Variants in SPRR2B observed in about 807,000 individuals in gnomAD.
SPRR2B encodes small proline-rich protein 2B.
Under a neutral mutation model 1.0 loss-of-function variants are expected in SPRR2B, and 1 was observed. That is an observed-to-expected ratio of 1.01 (90% CI 0.36 to 4.77). The LOEUF is 4.77. Ranked by LOEUF, SPRR2B falls within the 30% of genes most tolerant of loss-of-function variation. The pLI is 0.16. For missense variants in SPRR2B, 53 were observed against 88.7 expected (o/e 0.60, Z 1.62); for synonymous variants, 27 against 33.4 (o/e 0.81, Z 0.66).
chr1:153,076,157 A>C (rs1342519116), upstream of SPRR2B, among the ~76,000 whole-genome samples: 1 of 152,202 alleles, frequency 6.6e-6, no homozygotes, highest in Non-Finnish European at 1.5e-5. Flanking sequence ...AAGATTGCTC[A>C]TTTAAATATC....
At chr1:153,084,439 A>T in the SPRR2B span, among the ~76,000 whole-genome samples, 1 of 152,158 alleles carries the variant, frequency 6.6e-6, no homozygotes, top group African/African-American at 2.4e-5. Context: ...TAGGCACTGG[A>T]AACAGTGGAA....
the SPRR2B span, among the ~76,000 whole-genome samples, chr1:153,087,203 C>T: frequency 2.4e-3 from 367 of 152,090 alleles, 1 homozygote; most frequent in African/African-American, 8.1e-3. Flanking sequence ...TTGCTTGAAA[C>T]AGGGAGGTGG....
At chr1:153,076,310 T>G (rs893547326), upstream of SPRR2B, among the ~76,000 whole-genome samples, 2 of 152,178 alleles carry the variant, frequency 1.3e-5, no homozygotes, top group Non-Finnish European at 2.9e-5. Context: ...ATCCAAATAT[T>G]TAAGAGCAAA....
In SPRR2B at chr1:153,070,271, T is replaced by C; in HGVS notation, c.*350A>G. The C allele has an allele frequency of 2.2e-6, 1 of 452,460 alleles. No individual in the cohort carries two copies. The highest frequency in any genetic ancestry group is 3.9e-6 in the Non-Finnish European group (1 of 258,148). 28.0% of individuals were successfully genotyped at this position (452,460 alleles called of 1,614,324 possible). A position where few individuals can be genotyped will look rare whatever the true frequency, so the allele number is the denominator to read the frequency against. On this transcript the variant is annotated 3_prime_UTR_variant, in exon 2 of 2. Coordinates refer to ENST00000368755, the MANE Select transcript of SPRR2B (RefSeq NM_001388198.1). ...TCAGGGAGTGAAAGAAAAGTGACAA[T>C]TGCACAGGTGGTAGAAGCTCATGCC...
At chr1:153,073,709 ACAC>A (rs1654719225), upstream of SPRR2B, among the ~76,000 whole-genome samples, 1 of 76,068 alleles carries the variant, frequency 1.3e-5, no homozygotes, top group African/African-American at 2.9e-5. Flanking sequence ...ACACACACAC[ACAC>A]ACACACACAC....
chr1:153,072,803 C>T (rs570083982), upstream of SPRR2B, among the ~76,000 whole-genome samples: 2 of 152,156 alleles, frequency 1.3e-5, no homozygotes, highest in Non-Finnish European at 1.5e-5. Flanking sequence ...TCACTCGATA[C>T]GTATGTTGTC....
At chr1:153,081,820 C>T in the SPRR2B span, among the ~76,000 whole-genome samples, 1 of 137,068 alleles carries the variant, frequency 7.3e-6, no homozygotes. Context: ...CTTTTCTTTT[C>T]TTTTCTTTTT....
chr1:153,079,115 G>A, the SPRR2B span, among the ~76,000 whole-genome samples: 1 of 152,226 alleles, frequency 6.6e-6, no homozygotes, highest in Admixed American at 6.5e-5. Flanking sequence ...GATGGCCAGT[G>A]ATGGTGAGCA....
the SPRR2B span, among the ~76,000 whole-genome samples, chr1:153,077,823 G>A: frequency 1.3e-5 from 2 of 152,134 alleles, no homozygotes; most frequent in Non-Finnish European, 1.5e-5. Context: ...CCATGTTGGC[G>A]AGGCTGGATA....
At chr1:153,077,806 G>A in the SPRR2B span, among the ~76,000 whole-genome samples, 2 of 152,200 alleles carry the variant, frequency 1.3e-5, no homozygotes, top group African/African-American at 2.4e-5. Context: ...ATAGAGGCAG[G>A]GTTTCGCCAT....
chr1:153,086,123 A>G, the SPRR2B span, among the ~76,000 whole-genome samples: 199 of 152,332 alleles, frequency 1.3e-3, 5 homozygotes, highest in East Asian at 0.037. Flanking sequence ...AACCACATAA[A>G]CAAGTTTTTA....
At chr1:153,075,383 A>G (rs1383129589), upstream of SPRR2B, among the ~76,000 whole-genome samples, 1 of 152,066 alleles carries the variant, frequency 6.6e-6, no homozygotes, top group Non-Finnish European at 1.5e-5. Flanking sequence ...AAAAATAAAA[A>G]AAAACAGTTC....
At chr1:153,084,700 C>A in the SPRR2B span, among the ~76,000 whole-genome samples, 24,640 of 151,986 alleles carry the variant, frequency 0.16, 3,245 homozygotes, top group East Asian at 0.49. Context: ...TGCCATGCTG[C>A]CACTGCTCTT....
At chr1:153,083,414 G>C in the SPRR2B span, among the ~76,000 whole-genome samples, 3 of 152,116 alleles carry the variant, frequency 2.0e-5, no homozygotes, top group South Asian at 6.2e-4. Context: ...TGAATATGAT[G>C]CACAAAAGAC....
upstream of SPRR2B, among the ~76,000 whole-genome samples, chr1:153,076,075 T>C (rs568873933): frequency 6.6e-6 from 1 of 152,196 alleles, no homozygotes; most frequent in South Asian, 2.1e-4. Flanking sequence ...TGTTTTATTC[T>C]TCTGAAAAAA....
At chr1:153,082,376 C>A in the SPRR2B span, among the ~76,000 whole-genome samples, 1 of 152,264 alleles carries the variant, frequency 6.6e-6, no homozygotes, top group South Asian at 2.1e-4. Flanking sequence ...ATATAGAACA[C>A]TCCACCCAAC....
In SPRR2B at chr1:153,070,473, G is replaced by T; in HGVS notation, c.*148C>A. 1 of 1,407,988 alleles carries T rather than the reference G, an allele frequency of 7.1e-7. No homozygotes were observed. Among genetic ancestry groups the T allele is most frequent in the Non-Finnish European group, 9.5e-7 (1 of 1,047,632 alleles). The allele number at this position is 1,407,988 out of a possible 1,614,324, so 87.2% of individuals were successfully genotyped here. A position where few individuals can be genotyped will look rare whatever the true frequency, so the allele number is the denominator to read the frequency against. On this transcript the variant is annotated 3_prime_UTR_variant, in exon 2 of 2. Transcript: ENST00000368755. Reference sequence around the variant, plus strand: ...TAGAAAGGAAACCTTTTGCTATCAGGGAACATCATGGGCAGATCACAGGCT... The same window carrying T: ...TAGAAAGGAAACCTTTTGCTATCAGTGAACATCATGGGCAGATCACAGGCT...
chr1:153,079,965 A>C, the SPRR2B span, among the ~76,000 whole-genome samples: 1 of 152,134 alleles, frequency 6.6e-6, no homozygotes, highest in Admixed American at 6.5e-5. Flanking sequence ...CAGTGTGGCC[A>C]TTTTCACAAT....
At chr1:153,086,744 A>C in the SPRR2B span, among the ~76,000 whole-genome samples, 1 of 152,250 alleles carries the variant, frequency 6.6e-6, no homozygotes, top group Non-Finnish European at 1.5e-5. Context: ...CTAATAATCT[A>C]CAACTGTTCA....
Sources: gnomAD v4.1 joint callset for allele counts (sites outside exome capture counted in the v4.1 genomes callset) on GRCh38, gnomAD v4.1.1 for gene constraint, MANE v1.5 for transcripts, NCBI Gene and HGNC (gene_info 2026-07-23, HGNC 2026-07-21) for gene names.